Variants in SDHAF3 observed in about 807,000 individuals in gnomAD.
The protein encoded by SDHAF3 is succinate dehydrogenase complex assembly factor 3, also known as succinate dehydrogenase assembly factor 3, mitochondrial.
In SDHAF3, 18 loss-of-function variants were observed where a neutral mutation model predicts 11.5. The ratio of observed to expected loss-of-function variants is 1.56; its 90% CI spans 1.08 to 2.32. The LOEUF is 2.32. SDHAF3 is among the 30% of genes most tolerant of loss of function. SDHAF3 has a pLI of 0.00. For synonymous variants in SDHAF3, 72 were observed against 59.3 expected (o/e 1.21, Z -0.99); for missense variants, 200 against 154.4 (o/e 1.30, Z -1.57).
intron 1 of SDHAF3, among the ~76,000 whole-genome samples, chr7:97,130,762 C>T (rs1216912893): frequency 6.6e-6 from 1 of 152,222 alleles, no homozygotes; most frequent in Non-Finnish European, 1.5e-5. Context: ...ATTCCAGTCT[C>T]CACACAAGAG....
intron 1 of SDHAF3, among the ~76,000 whole-genome samples, chr7:97,119,944 C>T (rs545677897): frequency 6.6e-6 from 1 of 152,268 alleles, no homozygotes; most frequent in South Asian, 2.1e-4. Context: ...ACTAACATGA[C>T]TTCTTACTGG....
At position 97,139,106 on chromosome 7, in the gene SDHAF3, C is replaced by T. The variant is rs150572628; in HGVS notation, c.174+21209C>T. On this transcript the variant is annotated intron_variant, in intron 1 of 1. Coordinates refer to ENST00000432641, the MANE Select transcript of SDHAF3 (RefSeq NM_020186.3). ...CACTGCATGGGGGCGCTGCCCGGTGCCGGCAGAAGGCCACAGTGTTACAGC... is the reference window on the plus strand; with the variant it reads ...CACTGCATGGGGGCGCTGCCCGGTGTCGGCAGAAGGCCACAGTGTTACAGC... Among the ~76,000 whole-genome samples the T allele has an allele frequency of 8.7e-4, 132 of 152,374 alleles. 1 individual carries two copies. Among genetic ancestry groups the T allele is most frequent in the African/African-American group, 3.1e-3 (127 of 41,582 alleles).
chr7:97,168,753 C>G (rs759859405), intron 1 of SDHAF3, among the ~76,000 whole-genome samples: 1 of 152,120 alleles, frequency 6.6e-6, no homozygotes, highest in African/African-American at 2.4e-5. Context: ...TTTCTTCATG[C>G]CTTTTACATT....
intron 1 of SDHAF3, among the ~76,000 whole-genome samples, chr7:97,149,526 T>C (rs1789185537): frequency 6.6e-6 from 1 of 152,224 alleles, no homozygotes; most frequent in Non-Finnish European, 1.5e-5. Context: ...AATATTGCAA[T>C]AAAATGAGCC....
At chr7:97,164,224 G>A (rs993679195) in intron 1 of SDHAF3, among the ~76,000 whole-genome samples, 12 of 151,060 alleles carry the variant, frequency 7.9e-5, no homozygotes, top group Admixed American at 2.0e-4. Flanking sequence ...AAGCCACCGC[G>A]CCTGGCCTCT....
intron 1 of SDHAF3, among the ~76,000 whole-genome samples, chr7:97,141,567 G>T (rs143951646): frequency 6.6e-6 from 1 of 152,132 alleles, no homozygotes; most frequent in East Asian, 1.9e-4. Flanking sequence ...AATTTCCCCC[G>T]ATATCTGGCG....
chr7:97,167,668 G>A (rs1441416006), intron 1 of SDHAF3, among the ~76,000 whole-genome samples: 1 of 152,188 alleles, frequency 6.6e-6, no homozygotes, highest in African/African-American at 2.4e-5. Flanking sequence ...GTGGGGGACA[G>A]TGAGTCTAGA....
At chr7:97,120,176 G>A (rs766304963) in intron 1 of SDHAF3, among the ~76,000 whole-genome samples, 8 of 152,040 alleles carry the variant, frequency 5.3e-5, no homozygotes, top group Admixed American at 1.3e-4. Flanking sequence ...GTTGACACGC[G>A]TCTGTAGAGA....
chr7:97,135,773 C>T (rs1403509239), intron 1 of SDHAF3, among the ~76,000 whole-genome samples: 4 of 148,546 alleles, frequency 2.7e-5, no homozygotes, highest in South Asian at 2.1e-4. Context: ...CTGCAAGCTC[C>T]GCCTCCCAGG....
chr7:97,169,308 C>CAA (rs35675985), intron 1 of SDHAF3, among the ~76,000 whole-genome samples: 56 of 150,690 alleles, frequency 3.7e-4, no homozygotes, highest in Non-Finnish European at 5.3e-4. Flanking sequence ...GAAACTGTCT[C>CAA]AAAAAAAAAG....
chr7:97,172,892 A>G (rs566853074), intron 1 of SDHAF3, among the ~76,000 whole-genome samples: 1 of 152,376 alleles, frequency 6.6e-6, no homozygotes, highest in South Asian at 2.1e-4. Context: ...TTTATCAAAG[A>G]ACTGTAAGCG....
chr7:97,169,094 G>A (rs919162029), intron 1 of SDHAF3, among the ~76,000 whole-genome samples: 3 of 152,208 alleles, frequency 2.0e-5, no homozygotes, highest in East Asian at 3.9e-4. Context: ...CACTTTGGGA[G>A]GCCGACGGAT....
intron 1 of SDHAF3, among the ~76,000 whole-genome samples, chr7:97,144,765 CT>C (rs1464742305): frequency 2.0e-5 from 3 of 152,050 alleles, no homozygotes; most frequent in Admixed American, 2.0e-4. Context: ...GTTCTTTTTG[CT>C]TAGTTTACTT....
chr7:97,120,720 C>T (rs907291579), intron 1 of SDHAF3, among the ~76,000 whole-genome samples: 5 of 152,148 alleles, frequency 3.3e-5, no homozygotes, highest in African/African-American at 4.8e-5. Context: ...CAGTCCCTCA[C>T]ACACATCTAA....
At position 97,181,688 on chromosome 7, in the gene SDHAF3, T is replaced by C. The variant is rs985799997; in HGVS notation, c.*473T>C. On this transcript the variant is annotated 3_prime_UTR_variant, in exon 2 of 2. Transcript: ENST00000432641. ...TCCCTGCATCACTGTTCATTCACAA[T>C]GAAAGGTTAGGAAGAAGCTTTAAAA... is the stretch of plus-strand genomic sequence containing the variant. 6.5e-6 allele frequency: 1 copy of C among 154,074 alleles called. No individual in the cohort carries two copies. Among genetic ancestry groups the C allele is most frequent in the Non-Finnish European group, 1.4e-5 (1 of 69,290 alleles). The allele number at this position is 154,074 out of a possible 1,614,324, so 9.5% of individuals were successfully genotyped here.
chr7:97,155,892 A>G (rs902654610), intron 1 of SDHAF3, among the ~76,000 whole-genome samples: 3 of 126 alleles, frequency 0.024, no homozygotes, highest in Non-Finnish European at 0.079. Context: ...TCATTAATAA[A>G]GTAGATATCA....
rs1789706711 is a variant in SDHAF3, at chr7:97,177,862, C to T, written c.175-3150C>T. 2.6e-5 allele frequency among the ~76,000 whole-genome samples: 4 copies of T among 152,104 alleles called. No homozygotes were observed. In the South Asian group the frequency reaches 6.2e-4, roughly 24 times the overall value. The stretch of plus-strand genomic sequence containing the variant: ...TTTACATACTTAACATTTATAGTAC[C>T]TGCTTTAAAATCTATCTCTGCTTAT... On this transcript the variant is annotated intron_variant, in intron 1 of 1. Transcript: ENST00000432641.
At chr7:97,144,892 TG>T (rs1269719636) in intron 1 of SDHAF3, among the ~76,000 whole-genome samples, 1 of 152,208 alleles carries the variant, frequency 6.6e-6, no homozygotes, top group Non-Finnish European at 1.5e-5. Flanking sequence ...AGATTGCTTT[TG>T]GCAGTATGGT....
chr7:97,170,210 CTG>C (rs1584233479), intron 1 of SDHAF3, among the ~76,000 whole-genome samples: 1 of 151,818 alleles, frequency 6.6e-6, no homozygotes, highest in East Asian at 1.9e-4. Context: ...ACCCATGAAA[CTG>C]TCACCACATT....
Sources: allele counts gnomAD v4.1 joint callset (sites outside exome capture counted in the v4.1 genomes callset), GRCh38; gene constraint gnomAD v4.1.1; transcripts MANE v1.5; gene names NCBI Gene and HGNC (gene_info 2026-07-23, HGNC 2026-07-21).